The following SMARCA4 variants were observed in gnomAD, a reference collection of about 807,000 sequenced individuals.
The protein encoded by SMARCA4 is SWI/SNF related BAF chromatin remodeling complex subunit ATPase 4, also known as SWI/SNF-related matrix-associated actin-dependent regulator of chromatin subfamily A member 4.
Under a neutral mutation model 193.9 loss-of-function variants are expected in SMARCA4, and 31 were observed. The ratio of observed to expected loss-of-function variants is 0.16; its 90% CI spans 0.12 to 0.22. The LOEUF (loss-of-function observed/expected upper bound fraction) is 0.22, where lower values mean the gene tolerates loss of function less well. SMARCA4 is among the 10% of genes least tolerant of loss of function. The pLI is 1.00. For missense variants in SMARCA4, 1,148 were observed against 2,296.0 expected, an observed-to-expected ratio of 0.50 and a Z score of 10.22; for synonymous variants, 942 against 933.1, an observed-to-expected ratio of 1.01 and a Z score of -0.17.
chr19:11,031,087 A>G lies in SMARCA4; in HGVS notation c.3546+194A>G. On this transcript the variant is annotated intron_variant, in intron 25 of 34. Coordinates refer to ENST00000344626, the MANE Select transcript of SMARCA4 (RefSeq NM_003072.5). This position sits in a 1 kb window ranked among gnomAD's most constrained non-coding sequence, Gnocchi z 4.3. Reference sequence around the variant, plus strand: ...GCGGGGTCCTCCTGTTTCCCAAAATACAAACAGCCTTTCCCTCTGATTGGG... The same window carrying G: ...GCGGGGTCCTCCTGTTTCCCAAAATGCAAACAGCCTTTCCCTCTGATTGGG... 1.6e-6 allele frequency: 1 copy of G among 639,910 alleles called. No individual in the cohort carries two copies. Among genetic ancestry groups the G allele is most frequent in the Admixed American group, 2.4e-5 (1 of 41,248 alleles). The allele number at this position is 639,910 out of a possible 1,614,324, so 39.6% of individuals were successfully genotyped here.
At chr19:11,023,714 C>G in intron 20 of SMARCA4, 83 bp downstream of exon 20, 1 of 829,390 alleles carries the variant, frequency 1.2e-6, no homozygotes, top group Non-Finnish European at 2.0e-6. Flanking sequence ...CAGGGCCTCT[C>G]CCCACAGTCC....
At chr19:11,038,898 C>T (rs1413678275) in intron 29 of SMARCA4, among the ~76,000 whole-genome samples, 4 of 152,152 alleles carry the variant, frequency 2.6e-5, no homozygotes, top group Non-Finnish European at 4.4e-5. Context: ...TGTCAGTTGT[C>T]AATAGCGTTA....
intron 11 of SMARCA4, among the ~76,000 whole-genome samples, chr19:11,002,476 C>T (rs752380211): frequency 7.3e-5 from 11 of 151,128 alleles, no homozygotes; most frequent in Non-Finnish European, 1.2e-4. Context: ...GAGACTCCAT[C>T]TCAAAAAAAT....
chr19:11,034,274 A>G lies in SMARCA4; in HGVS notation c.3951+74A>G, dbSNP rs1429151339. On this transcript the variant is annotated intron_variant, in intron 28 of 34. Transcript: ENST00000344626. This position sits in a 1 kb window ranked among gnomAD's most constrained non-coding sequence, Gnocchi z 7.0. ...CCACCAGGAGCAAAGCAGACGTCCT[A>G]GTGCCCATGGTGGTATCCCTAGCAG... 4 of 1,180,782 alleles carry G rather than the reference A, an allele frequency of 3.4e-6. No homozygotes were observed. The African/African-American group carries it at 6.0e-5, about 18-fold the overall frequency. The allele number at this position is 1,180,782 out of a possible 1,614,324, so 73.1% of individuals were successfully genotyped here.
Position 10,984,384 on chromosome 19 carries a change from C to G in SMARCA4, c.222+11C>G. 6.4e-7 allele frequency: 1 copy of G among 1,567,498 alleles called. No homozygotes were observed. The highest frequency in any genetic ancestry group is 8.6e-7 in the Non-Finnish European group (1 of 1,156,104). On this transcript the variant is annotated intron_variant, in intron 2 of 34. Coordinates refer to ENST00000344626, the MANE Select transcript of SMARCA4 (RefSeq NM_003072.5). This position sits in a 1 kb window ranked among gnomAD's most constrained non-coding sequence, Gnocchi z 4.3. ...CACCAGATGCACAAGGTAGGGATCCCTGTGCCCGCCTCGCACCTGCGGCCT... is the reference window on the plus strand; with the variant it reads ...CACCAGATGCACAAGGTAGGGATCCGTGTGCCCGCCTCGCACCTGCGGCCT...
At chr19:11,027,451 T>A (rs1479152011) in intron 23 of SMARCA4, among the ~76,000 whole-genome samples, 1 of 152,190 alleles carries the variant, frequency 6.6e-6, no homozygotes, top group Non-Finnish European at 1.5e-5. Flanking sequence ...GGGGACAAGG[T>A]CTGGCTTCCC....
chr19:11,042,165 A>C (rs550682404), intron 30 of SMARCA4, among the ~76,000 whole-genome samples: 9 of 152,316 alleles, frequency 5.9e-5, no homozygotes, highest in African/African-American at 2.2e-4. Context: ...GACATGTCCT[A>C]TATACGAGGC....
chr19:10,982,935 A>G (rs1285303831), intron 1 of SMARCA4, among the ~76,000 whole-genome samples: 11 of 152,256 alleles, frequency 7.2e-5, no homozygotes. Context: ...AGCAGAAACA[A>G]GACAGATTTG....
intron 6 of SMARCA4, among the ~76,000 whole-genome samples, chr19:10,988,337 G>A (rs576845281): frequency 6.6e-6 from 1 of 152,214 alleles, no homozygotes; most frequent in East Asian, 1.9e-4. Flanking sequence ...TGGTCAGGCT[G>A]GTCTCGAGCT....
intron 24 of SMARCA4, among the ~76,000 whole-genome samples, chr19:11,029,057 C>T (rs138035068): frequency 3.5e-4 from 53 of 152,336 alleles, no homozygotes; most frequent in African/African-American, 1.2e-3. Context: ...AGGTCCTCCC[C>T]GGGGTTCTGT....
intron 11 of SMARCA4, 77 bp from the exon 12 acceptor site, chr19:11,002,952 C>A: frequency 6.4e-7 from 1 of 1,553,358 alleles, no homozygotes; most frequent in Non-Finnish European, 8.9e-7. Context: ...TGAGTGGGTG[C>A]TTCCCACCTT....
At chr19:10,992,577 G>A (rs372493580) in intron 8 of SMARCA4, among the ~76,000 whole-genome samples, 2 of 151,238 alleles carry the variant, frequency 1.3e-5, no homozygotes, top group African/African-American at 2.4e-5. Flanking sequence ...GATGTGCGCC[G>A]CCACACCTGT....
chr19:11,033,167 TG>T lies in SMARCA4; in HGVS notation c.3547-120del. On this transcript the variant is annotated intron_variant, in intron 25 of 34. Coordinates refer to ENST00000344626, the MANE Select transcript of SMARCA4 (RefSeq NM_003072.5). The surrounding 1 kb of genome is among the most constrained non-coding windows in gnomAD (Gnocchi z 9.8). ...GTTTTCATGCGGCGGCAGGTCAGGCTGGGCAGAATTGTCAGGCCGAGGGTGG... is the reference window on the plus strand; with the variant it reads ...GTTTTCATGCGGCGGCAGGTCAGGCTGGCAGAATTGTCAGGCCGAGGGTGG... The T allele has an allele frequency of 1.3e-6, 1 of 776,112 alleles. No homozygotes were observed. Among genetic ancestry groups the T allele is most frequent in the Non-Finnish European group, 2.3e-6 (1 of 442,858 alleles). The allele number at this position is 776,112 out of a possible 1,614,324, so 48.1% of individuals were successfully genotyped here.
chr19:10,989,567 GC>G, intron 7 of SMARCA4, 124 bp downstream of exon 7: 2 of 1,100,956 alleles, frequency 1.8e-6, no homozygotes, highest in Non-Finnish European at 2.7e-6. Context: ...AGCAGCCGTG[GC>G]CATCCATGGG....
At chr19:10,999,586 A>G (rs575003092) in intron 11 of SMARCA4, among the ~76,000 whole-genome samples, 2 of 152,184 alleles carry the variant, frequency 1.3e-5, no homozygotes, top group African/African-American at 4.8e-5. Flanking sequence ...TGAGTCCAAG[A>G]GTTTGAGGCT....
chr19:11,038,007 G>A (rs1290075166), intron 29 of SMARCA4, among the ~76,000 whole-genome samples: 2 of 152,224 alleles, frequency 1.3e-5, no homozygotes, highest in Non-Finnish European at 2.9e-5. Flanking sequence ...TTTTCTGGCA[G>A]CCATCTGTTG....
intron 1 of SMARCA4, among the ~76,000 whole-genome samples, chr19:10,966,553 A>G (rs2084234435): frequency 6.6e-6 from 1 of 151,608 alleles, no homozygotes; most frequent in South Asian, 2.1e-4. Context: ...GCACCACTGC[A>G]CTCCAACCTG....
chr19:11,059,988 G>C (rs1169071510), intron 33 of SMARCA4, 57 bp from the exon 34 acceptor site: 1 of 1,609,774 alleles, frequency 6.2e-7, no homozygotes, highest in South Asian at 1.1e-5. Context: ...GCCCCTTGCT[G>C]TGGGGGTGCT....
chr19:11,020,744 G>C (rs1294330547), intron 18 of SMARCA4: 3 of 152,266 alleles, frequency 2.0e-5, no homozygotes, highest in Non-Finnish European at 2.9e-5. Flanking sequence ...GGATGGAGGA[G>C]CTGTTTATGG....
Sources: allele counts gnomAD v4.1 joint callset (sites outside exome capture counted in the v4.1 genomes callset), GRCh38; gene constraint gnomAD v4.1.1; non-coding constraint Gnocchi (gnomAD v3.1); transcripts MANE v1.5; gene names NCBI Gene and HGNC (gene_info 2026-07-23, HGNC 2026-07-21).